PTPRD: variants seen among roughly 807,000 people sequenced by gnomAD.
The protein encoded by PTPRD is receptor-type tyrosine-protein phosphatase delta.
A neutral mutation model predicts 214.5 loss-of-function variants in PTPRD; 34 were observed. The ratio of observed to expected loss-of-function variants is 0.16; its 90% confidence interval spans 0.12 to 0.21. The LOEUF (loss-of-function observed/expected upper bound fraction) is 0.21, where lower values mean the gene tolerates loss of function less well. Among genes scored for constraint, PTPRD ranks in the 10% least tolerant of loss-of-function variants. The pLI is 1.00. For synonymous variants in PTPRD, 1,128 were observed against 845.7 expected (o/e 1.33, Z -5.79); for missense variants, 2,545 against 2,398.7 (o/e 1.06, Z -1.27).
intron 2 of PTPRD, among the ~76,000 whole-genome samples, chr9:10,411,109 T>G (rs537174925): frequency 1.3e-5 from 2 of 151,974 alleles, no homozygotes; most frequent in African/African-American, 4.8e-5. Context: ...TTTACATTAT[T>G]GTTCAGAATG....
At chr9:8,736,611 CT>C (rs1443418723) in intron 11 of PTPRD, among the ~76,000 whole-genome samples, 1 of 151,922 alleles carries the variant, frequency 6.6e-6, no homozygotes, top group Non-Finnish European at 1.5e-5. Flanking sequence ...AAGATATTAC[CT>C]TTTTTATTAG....
At chr9:9,072,731 G>C (rs1416248077) in intron 10 of PTPRD, among the ~76,000 whole-genome samples, 1 of 152,136 alleles carries the variant, frequency 6.6e-6, no homozygotes, top group Non-Finnish European at 1.5e-5. Context: ...ACGTAGCAGG[G>C]ACTTGACGAA....
intron 9 of PTPRD, among the ~76,000 whole-genome samples, chr9:9,302,963 C>T (rs887641450): frequency 6.6e-6 from 1 of 151,950 alleles, no homozygotes; most frequent in African/African-American, 2.4e-5. Context: ...CACATCTGCT[C>T]CTCTCTTTAG....
At chr9:9,997,559 G>T (rs1295556388) in intron 4 of PTPRD, among the ~76,000 whole-genome samples, 1 of 152,222 alleles carries the variant, frequency 6.6e-6, no homozygotes, top group African/African-American at 2.4e-5. Flanking sequence ...AAAGTGCTGT[G>T]ATTACAGGCG....
chr9:8,355,233 C>T (rs2133505566), intron 39 of PTPRD, among the ~76,000 whole-genome samples: 1 of 152,218 alleles, frequency 6.6e-6, no homozygotes, highest in Admixed American at 6.5e-5. Context: ...GATACACTGG[C>T]TCCCCTTTTG....
intron 5 of PTPRD, among the ~76,000 whole-genome samples, chr9:9,902,202 C>T (rs191373041): frequency 2.7e-3 from 413 of 150,374 alleles, no homozygotes; most frequent in African/African-American, 9.5e-3. Context: ...CGTGCATCAG[C>T]GCCCATGCAT....
chr9:8,713,961 C>A (rs2098401323), intron 12 of PTPRD: 4 of 623,350 alleles, frequency 6.4e-6, no homozygotes, highest in East Asian at 2.7e-5. Context: ...TTAGTGAGGC[C>A]TGACCTTGGT....
chr9:8,315,191 A>ATGAC lies in PTPRD; in HGVS notation c.*2679_*2682dup, dbSNP rs1345003720. 2 of 232,680 alleles carry ATGAC rather than the reference A, an allele frequency of 8.6e-6. No homozygotes were observed. Among genetic ancestry groups the ATGAC allele is most frequent in the African/African-American group, 4.4e-5 (2 of 45,268 alleles). 14.4% of individuals were successfully genotyped at this position (232,680 alleles called of 1,614,324 possible). A position where few individuals can be genotyped will look rare whatever the true frequency, so the allele number is the denominator to read the frequency against. On this transcript the variant is annotated 3_prime_UTR_variant, in exon 46 of 46. Transcript: ENST00000381196. Reference sequence around the variant, plus strand: ...AAAGCACAGAGTGGAATGCACATCAATGACAGTAAGGGAGTTAGTTCTAGG... The same window carrying ATGAC: ...AAAGCACAGAGTGGAATGCACATCAATGACTGACAGTAAGGGAGTTAGTTCTAGG...
In PTPRD at chr9:9,156,641, G is replaced by A. The variant is rs141096976; in HGVS notation, c.-143+26663C>T. ...ATCCATTTCAATGATTCACAGCGGCGTCATGTATTTTTGCTCACATCAAAA... is the reference window on the plus strand; with the variant it reads ...ATCCATTTCAATGATTCACAGCGGCATCATGTATTTTTGCTCACATCAAAA... On this transcript the variant is annotated intron_variant, in intron 10 of 45. Coordinates refer to ENST00000381196, the MANE Select transcript of PTPRD (RefSeq NM_002839.4). Among the ~76,000 whole-genome samples, 66 of 152,154 alleles carry A rather than the reference G, an allele frequency of 4.3e-4. No individual in the cohort carries two copies. The East Asian group carries it at 9.5e-3, about 22-fold the overall frequency.
chr9:10,572,356 C>A (rs1214130122), intron 2 of PTPRD, among the ~76,000 whole-genome samples: 3 of 152,134 alleles, frequency 2.0e-5, no homozygotes, highest in Non-Finnish European at 2.9e-5. Flanking sequence ...CTGGAGGAAA[C>A]AACCATTGTT....
intron 5 of PTPRD, among the ~76,000 whole-genome samples, chr9:9,937,898 G>T (rs2090129657): frequency 6.6e-6 from 1 of 152,148 alleles, no homozygotes. Flanking sequence ...TCTACATGAT[G>T]TGATTAATAT....
chr9:9,497,528 C>A (rs1458944101), intron 8 of PTPRD, among the ~76,000 whole-genome samples: 2 of 152,040 alleles, frequency 1.3e-5, no homozygotes, highest in Non-Finnish European at 2.9e-5. Context: ...AGTTTATAAA[C>A]AAAATTATTT....
intron 8 of PTPRD, among the ~76,000 whole-genome samples, chr9:9,549,880 T>C (rs903350273): frequency 2.0e-5 from 3 of 152,082 alleles, no homozygotes; most frequent in African/African-American, 7.2e-5. Flanking sequence ...TCTAGGGCTA[T>C]GCAAAGATTT....
chr9:9,624,577 T>C (rs534428019), intron 7 of PTPRD, among the ~76,000 whole-genome samples: 2 of 152,224 alleles, frequency 1.3e-5, no homozygotes, highest in African/African-American at 4.8e-5. Context: ...TATGAGCCAC[T>C]GTACCTGGCC....
At chr9:9,581,059 A>G (rs1472300084) in intron 7 of PTPRD, among the ~76,000 whole-genome samples, 1 of 152,184 alleles carries the variant, frequency 6.6e-6, no homozygotes, top group African/African-American at 2.4e-5. Context: ...GTCAATTTAG[A>G]AAGAAACCCA....
rs2135902595 is a variant in PTPRD at position 8,485,776 on chromosome 9, A to G, written c.3041T>C (p.Leu1014Pro). The change falls in exon 28 of 46, where the codon CTG becomes CCG. Residue 1014 changes from leucine (L) to proline (P), a missense_variant. By Grantham distance (98) the Leu-to-Pro change is moderately conservative. Transcript: ENST00000381196. ...PYSPSVQFRT[L>P]PVDQVFAKNF... ...ACAAATCCTACCTTGATCCACAGGC[A>G]GTGTCCTGAACTGGACACTGGGACT... 1.2e-6 allele frequency: 2 copies of G among 1,611,898 alleles called. No homozygotes were observed. Among genetic ancestry groups the G allele is most frequent in the Non-Finnish European group, 8.5e-7 (1 of 1,179,144 alleles).
intron 11 of PTPRD, among the ~76,000 whole-genome samples, chr9:8,854,779 T>C (rs970677255): frequency 1.3e-5 from 2 of 152,222 alleles, no homozygotes; most frequent in African/African-American, 4.8e-5. Flanking sequence ...AAAGCTACTT[T>C]AATCACATCA....
chr9:8,572,479 G>GA (rs1427361334), intron 14 of PTPRD, among the ~76,000 whole-genome samples: 1 of 151,832 alleles, frequency 6.6e-6, no homozygotes, highest in East Asian at 1.9e-4. Flanking sequence ...TTCACTTAGG[G>GA]AAAAAAGCAA....
At chr9:10,055,482 G>A (rs1324349173) in intron 3 of PTPRD, among the ~76,000 whole-genome samples, 1 of 152,002 alleles carries the variant, frequency 6.6e-6, no homozygotes, top group African/African-American at 2.4e-5. Context: ...CTGAGACTTG[G>A]AAACTCAAAA....
Sources: gnomAD v4.1 joint callset for allele counts (sites outside exome capture counted in the v4.1 genomes callset) on GRCh38, gnomAD v4.1.1 for gene constraint, MANE v1.5 for transcripts, NCBI Gene and HGNC (gene_info 2026-07-23, HGNC 2026-07-21) for gene names.